Variants in EPHB1 observed in about 807,000 individuals in gnomAD.
EPHB1 encodes the protein EPH receptor B1.
A neutral mutation model predicts 94.4 loss-of-function variants in EPHB1; 30 were observed. The observed-to-expected ratio is 0.32, with a 90% confidence interval of 0.24 to 0.43. The LOEUF (loss-of-function observed/expected upper bound fraction) is 0.43, where lower values mean the gene tolerates loss of function less well. Ranked by LOEUF, EPHB1 falls within the 20% of genes least tolerant of loss-of-function variation. EPHB1 has a pLI of 1.00. For missense variants in EPHB1, 1,055 were observed against 1,308.3 expected (o/e 0.81, Z 2.99); for synonymous variants, 522 against 489.1 (o/e 1.07, Z -0.89).
At chr3:134,945,804 C>A (rs1045614297) in intron 2 of EPHB1, among the ~76,000 whole-genome samples, 2 of 152,190 alleles carry the variant, frequency 1.3e-5, no homozygotes, top group Non-Finnish European at 2.9e-5. Context: ...CTTTAGGAAA[C>A]TGACTTTCGG....
At chr3:135,100,044 G>A (rs1938976643) in intron 3 of EPHB1, among the ~76,000 whole-genome samples, 1 of 152,102 alleles carries the variant, frequency 6.6e-6, no homozygotes, top group African/African-American at 2.4e-5. Flanking sequence ...AATATTCATT[G>A]GCATGAACCT....
chr3:135,012,106 G>A (rs145158762), intron 3 of EPHB1, among the ~76,000 whole-genome samples: 7 of 152,280 alleles, frequency 4.6e-5, no homozygotes, highest in East Asian at 1.9e-4. Flanking sequence ...CAAACTGAAG[G>A]TGCCTTGTCC....
intron 4 of EPHB1, among the ~76,000 whole-genome samples, chr3:135,109,909 G>C (rs1939373874): frequency 6.6e-6 from 1 of 152,232 alleles, no homozygotes; most frequent in Non-Finnish European, 1.5e-5. Context: ...TCCACAGGAG[G>C]GCCAGATGGC....
chr3:134,848,465 A>G (rs2036918509), intron 1 of EPHB1, among the ~76,000 whole-genome samples: 1 of 152,228 alleles, frequency 6.6e-6, no homozygotes, highest in Middle Eastern at 3.2e-3. Flanking sequence ...ATAAAATGGA[A>G]ATTTTAATCA....
intron 4 of EPHB1, among the ~76,000 whole-genome samples, chr3:135,113,490 C>A (rs1441741656): frequency 6.6e-6 from 1 of 152,200 alleles, no homozygotes. Context: ...CCCAAATCCT[C>A]CCAATGTTAG....
intron 13 of EPHB1, among the ~76,000 whole-genome samples, chr3:135,247,465 G>A (rs1228211242): frequency 6.6e-6 from 1 of 152,066 alleles, no homozygotes; most frequent in Non-Finnish European, 1.5e-5. Context: ...TTTAGCACTT[G>A]CGTCACTTAC....
rs541035191 is a variant in EPHB1, at chr3:135,035,575, G to A, written c.806-70873G>A. On this transcript the variant is annotated intron_variant, in intron 3 of 15. Coordinates refer to ENST00000398015, the MANE Select transcript of EPHB1 (RefSeq NM_004441.5). ...TTAGAGGAGGAGGCTGAAATCTAGCGTGTTCTGTTTTGGGGCTTGGAATCC... is the reference window on the plus strand; with the variant it reads ...TTAGAGGAGGAGGCTGAAATCTAGCATGTTCTGTTTTGGGGCTTGGAATCC... Among the ~76,000 whole-genome samples the A allele has an allele frequency of 1.1e-4, 16 of 152,202 alleles. No homozygotes were observed. In the South Asian group the frequency reaches 2.9e-3, roughly 28 times the overall value.
chr3:135,086,714 T>TA (rs1358863069), intron 3 of EPHB1, among the ~76,000 whole-genome samples: 1 of 151,982 alleles, frequency 6.6e-6, no homozygotes, highest in Non-Finnish European at 1.5e-5. Context: ...CCCACCCCTC[T>TA]ATATGCTTCT....
intron 3 of EPHB1, among the ~76,000 whole-genome samples, chr3:134,982,655 G>A (rs775623141): frequency 2.6e-5 from 4 of 152,158 alleles, no homozygotes; most frequent in Admixed American, 2.0e-4. Context: ...CTCCTCACTC[G>A]GCTGCTAAAA....
At chr3:135,208,925 T>C (rs1220055895) in intron 12 of EPHB1, among the ~76,000 whole-genome samples, 1 of 151,994 alleles carries the variant, frequency 6.6e-6, no homozygotes, top group Non-Finnish European at 1.5e-5. Context: ...AGAGGGAAAA[T>C]GTGAGATGAG....
chr3:135,104,293 A>AAT (rs995118478), intron 3 of EPHB1, among the ~76,000 whole-genome samples: 1 of 152,220 alleles, frequency 6.6e-6, no homozygotes, highest in Admixed American at 6.5e-5. Flanking sequence ...AAGAGGGAGA[A>AAT]ATACAGAGAG....
intron 3 of EPHB1, among the ~76,000 whole-genome samples, chr3:135,034,874 C>A (rs1169745913): frequency 6.6e-6 from 1 of 152,184 alleles, no homozygotes; most frequent in Non-Finnish European, 1.5e-5. Context: ...ATAGCCTCTG[C>A]CTGTAGGACC....
chr3:134,816,384 T>G (rs1313224965), intron 1 of EPHB1, among the ~76,000 whole-genome samples: 2 of 143,470 alleles, frequency 1.4e-5, no homozygotes, highest in Non-Finnish European at 2.9e-5. Flanking sequence ...TGAGCCACCG[T>G]GCCTGGCTGG....
chr3:134,973,881 A>C (rs1438034577), intron 3 of EPHB1, among the ~76,000 whole-genome samples: 1 of 152,146 alleles, frequency 6.6e-6, no homozygotes, highest in Admixed American at 6.5e-5. Context: ...CAGCTGCAGG[A>C]TTCAAGGCTT....
At chr3:134,961,134 G>A (rs769751706) in intron 3 of EPHB1, among the ~76,000 whole-genome samples, 11 of 152,160 alleles carry the variant, frequency 7.2e-5, no homozygotes, top group Non-Finnish European at 1.5e-4. Flanking sequence ...CTGGTACTGG[G>A]CCCTGTATGC....
chr3:135,161,353 A>G (rs1013272799), intron 6 of EPHB1, among the ~76,000 whole-genome samples: 27 of 152,284 alleles, frequency 1.8e-4, no homozygotes, highest in Admixed American at 1.6e-3. Context: ...GGGAGAAGGC[A>G]CATGCCCGCT....
intron 1 of EPHB1, among the ~76,000 whole-genome samples, chr3:134,824,774 T>C (rs1199855305): frequency 6.6e-6 from 1 of 152,152 alleles, no homozygotes; most frequent in Non-Finnish European, 1.5e-5. Flanking sequence ...TTAAGATGCA[T>C]GGAGAGGCCA....
At chr3:135,034,267 A>G (rs1384299880) in intron 3 of EPHB1, among the ~76,000 whole-genome samples, 1 of 152,176 alleles carries the variant, frequency 6.6e-6, no homozygotes, top group African/African-American at 2.4e-5. Context: ...TTTCAACTGT[A>G]TGGTTATGTC....
At chr3:135,067,764 AT>A in intron 3 of EPHB1, 1 of 152,458 alleles carries the variant, frequency 6.6e-6, no homozygotes. Context: ...TCCCTGTGGC[AT>A]TTTCCCAGTG....
Sources: allele counts gnomAD v4.1 joint callset (sites outside exome capture counted in the v4.1 genomes callset), GRCh38; gene constraint gnomAD v4.1.1; transcripts MANE v1.5; gene names NCBI Gene and HGNC (gene_info 2026-07-23, HGNC 2026-07-21).